Variants in POGZ observed in about 807,000 individuals in gnomAD.
POGZ encodes pogo transposable element with ZNF domain.
POGZ carries 17 observed loss-of-function variants against 134.6 expected under a neutral mutation model. That is an observed-to-expected ratio of 0.13 (90% CI 0.09 to 0.19). The LOEUF (loss-of-function observed/expected upper bound fraction) is 0.19. Ranked by LOEUF, POGZ falls within the 10% of genes least tolerant of loss-of-function variation. The pLI is 1.00. For synonymous variants in POGZ, 693 were observed against 657.1 expected, an observed-to-expected ratio of 1.05 and a Z score of -0.84; for missense variants, 1,306 against 1,769.7, an observed-to-expected ratio of 0.74 and a Z score of 4.70.
At chr1:151,425,109 A>G in intron 7 of POGZ, 48 bp from the exon 8 acceptor site, 1 of 986,394 alleles carries the variant, frequency 1.0e-6, no homozygotes, top group South Asian at 1.4e-5. Flanking sequence ...TGACACTGGA[A>G]AAAGATTACT....
intron 10 of POGZ, among the ~76,000 whole-genome samples, chr1:151,419,652 G>A (rs1656495998): frequency 8.9e-6 from 1 of 112,070 alleles, no homozygotes; most frequent in Non-Finnish European, 1.7e-5. Flanking sequence ...TTGGCTAACA[G>A]AGTGAGACCC....
At chr1:151,443,170 C>T (rs1194711104) in intron 1 of POGZ, among the ~76,000 whole-genome samples, 2 of 152,138 alleles carry the variant, frequency 1.3e-5, no homozygotes, top group Admixed American at 1.3e-4. Flanking sequence ...GATTGTTCTG[C>T]ATTAATATTG....
intron 16 of POGZ, 36 bp from the exon 17 acceptor site, chr1:151,407,059 C>T (rs780535773): frequency 6.7e-7 from 1 of 1,502,298 alleles, no homozygotes; most frequent in African/African-American, 1.4e-5. Flanking sequence ...AAGACAAACA[C>T]AGCAGTGACA....
chr1:151,406,678 A>G (rs1158328433), intron 17 of POGZ, 47 bp from the exon 18 acceptor site: 1 of 1,519,492 alleles, frequency 6.6e-7, no homozygotes, highest in East Asian at 2.3e-5. Flanking sequence ...TGAAAAAATA[A>G]GCCCTCCAAA....
At chr1:151,422,719 G>GA (rs1230184610) in intron 10 of POGZ, among the ~76,000 whole-genome samples, 3 of 152,178 alleles carry the variant, frequency 2.0e-5, no homozygotes, top group Admixed American at 1.3e-4. Flanking sequence ...AGCCTCCCGA[G>GA]TAGCTGGGAT....
At chr1:151,453,943 T>C (rs765827744) in intron 1 of POGZ, among the ~76,000 whole-genome samples, 4 of 152,168 alleles carry the variant, frequency 2.6e-5, no homozygotes, top group African/African-American at 7.2e-5. Flanking sequence ...ACTTTTAAGG[T>C]ATTTAATGGG....
At chr1:151,419,343 C>CA (rs1479740087) in intron 10 of POGZ, among the ~76,000 whole-genome samples, 2 of 151,864 alleles carry the variant, frequency 1.3e-5, no homozygotes, top group Admixed American at 6.6e-5. Flanking sequence ...GCCTAGGTGA[C>CA]AGAGCGATTG....
At chr1:151,416,346 T>C (rs991934320) in intron 10 of POGZ, among the ~76,000 whole-genome samples, 3 of 148,314 alleles carry the variant, frequency 2.0e-5, no homozygotes, top group Non-Finnish European at 4.5e-5. Flanking sequence ...CACTTGAGGC[T>C]AGGAGTTAGA....
Position 151,404,992 on chromosome 1 carries a change from T to C in POGZ, c.4043A>G (p.Glu1348Gly), listed in dbSNP as rs753789234. The C allele has an allele frequency of 1.9e-6, 3 of 1,614,010 alleles. No individual in the cohort carries two copies. Among genetic ancestry groups the C allele is most frequent in the Non-Finnish European group, 8.5e-7 (1 of 1,180,004 alleles). The part of the protein sequence containing the change: ...SPTRNADMQE[E>G]LIASLEEQLK... ...TTGCTCCTCTAGGGAGGCAATTAGC[T>C]CCTCCTGCATGTCAGCATTTCTTGT... is the stretch of plus-strand genomic sequence containing the variant. Residue 1348 changes from glutamate to glycine, a missense_variant, in exon 19 of 19, where the codon GAG (glutamate) becomes GGG (glycine). Transcript: ENST00000271715.
intron 11 of POGZ, 151 bp from the exon 12 acceptor site, chr1:151,411,922 CTGGGCTA>C (rs1571357797): frequency 1.6e-6 from 1 of 621,338 alleles, no homozygotes; most frequent in East Asian, 2.9e-5. Context: ...CTTTGTAATG[CTGGGCTA>C]TGTTTGTGAT....
chr1:151,445,948 A>G (rs1245584461), intron 1 of POGZ, among the ~76,000 whole-genome samples: 5 of 152,086 alleles, frequency 3.3e-5, no homozygotes, highest in African/African-American at 1.2e-4. Flanking sequence ...TTATACTAAC[A>G]TAATAAAATG....
In POGZ at chr1:151,404,448, A is replaced by G. The variant is rs1653213538; in HGVS notation, c.*354T>C. On this transcript the variant is annotated 3_prime_UTR_variant, in exon 19 of 19. Transcript: ENST00000271715. ...TACAATTGAGGTAAAAGGGGAAACA[A>G]AAAAATTTAACATTTGCCCACAAAT... is the stretch of plus-strand genomic sequence containing the variant. The G allele has an allele frequency of 9.9e-7, 1 of 1,008,676 alleles. No homozygotes were observed. Among genetic ancestry groups the G allele is most frequent in the Non-Finnish European group, 1.2e-6 (1 of 843,676 alleles). The allele number at this position is 1,008,676 out of a possible 1,614,324, so 62.5% of individuals were successfully genotyped here. A position where few individuals can be genotyped will look rare whatever the true frequency, so the allele number is the denominator to read the frequency against.
intron 1 of POGZ, among the ~76,000 whole-genome samples, chr1:151,445,182 T>C (rs1423034238): frequency 2.6e-5 from 4 of 152,138 alleles, no homozygotes; most frequent in Non-Finnish European, 5.9e-5. Context: ...TAGGTATGAG[T>C]ACTGCCAAGA....
At chr1:151,430,410 T>C (rs1163359360) in intron 4 of POGZ, among the ~76,000 whole-genome samples, 1 of 152,194 alleles carries the variant, frequency 6.6e-6, no homozygotes, top group African/African-American at 2.4e-5. Context: ...AATTCAAGTT[T>C]TCCCACTATT....
At position 151,404,659 on chromosome 1, in the gene POGZ, G is replaced by C. The variant is rs940491890; in HGVS notation, c.*143C>G. The C allele has an allele frequency of 7.9e-5, 111 of 1,401,228 alleles. No homozygotes were observed. The highest frequency in any genetic ancestry group is 4.3e-4 in the East Asian group (17 of 39,086). The allele number at this position is 1,401,228 out of a possible 1,614,324, so 86.8% of individuals were successfully genotyped here. A position where few individuals can be genotyped will look rare whatever the true frequency, so the allele number is the denominator to read the frequency against. On this transcript the variant is annotated 3_prime_UTR_variant, in exon 19 of 19. Coordinates refer to ENST00000271715, the MANE Select transcript of POGZ (RefSeq NM_015100.4). ...TCCACAAATCCACAGGGAAGTGTAAGTCAACTTCAGGGGGGAGTGGTGGTA... is the reference window on the plus strand; with the variant it reads ...TCCACAAATCCACAGGGAAGTGTAACTCAACTTCAGGGGGGAGTGGTGGTA...
At chr1:151,447,334 T>C (rs1159233927) in intron 1 of POGZ, among the ~76,000 whole-genome samples, 1 of 150,972 alleles carries the variant, frequency 6.6e-6, no homozygotes, top group African/African-American at 2.4e-5. Context: ...ATTGTGCCAC[T>C]GCACTCCAGC....
intron 1 of POGZ, among the ~76,000 whole-genome samples, chr1:151,446,046 CTTTTTT>C (rs573169016): frequency 8.1e-6 from 1 of 123,926 alleles, no homozygotes; most frequent in Admixed American, 8.6e-5. Context: ...CGTCTTTCAA[CTTTTTT>C]TTTTTTTTTT....
At position 151,424,298 on chromosome 1, in the gene POGZ, G is replaced by C; in HGVS notation, c.1186-12C>G. 1 of 1,496,324 alleles carries C rather than the reference G, an allele frequency of 6.7e-7. No individual in the cohort carries two copies. The highest frequency in any genetic ancestry group is 9.1e-7 in the Non-Finnish European group (1 of 1,098,276). The allele number at this position is 1,496,324 out of a possible 1,614,324, so 92.7% of individuals were successfully genotyped here. A position where few individuals can be genotyped will look rare whatever the true frequency, so the allele number is the denominator to read the frequency against. ...TCTGGGCAACAGTACTATAAAGAAA[G>C]ACATCTGATCATTCTGGTTATCCTG... On this transcript the variant is annotated splice_polypyrimidine_tract_variant and intron_variant, in intron 8 of 18. Coordinates refer to ENST00000271715, the MANE Select transcript of POGZ (RefSeq NM_015100.4).
chr1:151,434,445 C>A (rs1184384396), intron 3 of POGZ, among the ~76,000 whole-genome samples: 2 of 152,092 alleles, frequency 1.3e-5, no homozygotes, highest in Non-Finnish European at 2.9e-5. Context: ...GCCACTACTG[C>A]ACTCCAGCCT....
Sources: allele counts gnomAD v4.1 joint callset (sites outside exome capture counted in the v4.1 genomes callset), GRCh38; gene constraint gnomAD v4.1.1; transcripts MANE v1.5; gene names NCBI Gene and HGNC (gene_info 2026-07-23, HGNC 2026-07-21).